SNTG1: variants seen among roughly 807,000 people sequenced by gnomAD.
SNTG1 encodes the protein syntrophin gamma 1.
In SNTG1, 39 loss-of-function variants were observed where a neutral mutation model predicts 74.7. The observed-to-expected ratio is 0.52, with a 90% confidence interval of 0.40 to 0.68. The LOEUF (loss-of-function observed/expected upper bound fraction) is 0.68. Among genes scored for constraint, SNTG1 ranks in the 30% least tolerant of loss-of-function variants. The pLI is 0.00. For missense variants in SNTG1, 685 were observed against 609.5 expected (o/e 1.12, Z -1.30); for synonymous variants, 254 against 217.1 (o/e 1.17, Z -1.49).
chr8:50,178,609 T>G (rs1417974918), intron 2 of SNTG1, among the ~76,000 whole-genome samples: 1 of 152,188 alleles, frequency 6.6e-6, no homozygotes, highest in Non-Finnish European at 1.5e-5. Flanking sequence ...ATCTGCAAAA[T>G]CAAACCTATA....
At chr8:50,687,772 C>G (rs2095359131) in intron 15 of SNTG1, among the ~76,000 whole-genome samples, 1 of 152,056 alleles carries the variant, frequency 6.6e-6, no homozygotes, top group Non-Finnish European at 1.5e-5. Flanking sequence ...CTTCCTGTGT[C>G]CATGTGTTCT....
chr8:50,324,297 A>C (rs2090647834), intron 2 of SNTG1, among the ~76,000 whole-genome samples: 1 of 152,174 alleles, frequency 6.6e-6, no homozygotes, highest in Non-Finnish European at 1.5e-5. Flanking sequence ...CTTCCTCCCC[A>C]AGATGCACAG....
intron 17 of SNTG1, among the ~76,000 whole-genome samples, chr8:50,711,622 G>A (rs2095461882): frequency 6.6e-6 from 1 of 152,134 alleles, no homozygotes; most frequent in Non-Finnish European, 1.5e-5. Context: ...TGGATATAGA[G>A]GGATGTCTGG....
chr8:50,091,739 A>G (rs1586231208), intron 1 of SNTG1, among the ~76,000 whole-genome samples: 1 of 152,172 alleles, frequency 6.6e-6, no homozygotes, highest in Admixed American at 6.6e-5. Context: ...AACCTGCCTG[A>G]TGATATCCCT....
intron 13 of SNTG1, among the ~76,000 whole-genome samples, chr8:50,644,840 A>G (rs1217443573): frequency 2.0e-5 from 3 of 151,848 alleles, no homozygotes; most frequent in Non-Finnish European, 4.4e-5. Flanking sequence ...CTTGGCAAAT[A>G]ATTTTAACAT....
intron 10 of SNTG1, among the ~76,000 whole-genome samples, chr8:50,531,469 T>G (rs1442131467): frequency 1.3e-5 from 2 of 152,098 alleles, no homozygotes; most frequent in Non-Finnish European, 1.5e-5. Flanking sequence ...CAACCAAATT[T>G]TTTACCTCTT....
At chr8:50,593,065 A>G (rs1170378028) in intron 13 of SNTG1, among the ~76,000 whole-genome samples, 2 of 151,872 alleles carry the variant, frequency 1.3e-5, no homozygotes, top group Non-Finnish European at 2.9e-5. Context: ...TCTACATTAA[A>G]TAACTCCCTC....
At chr8:50,461,169 G>A (rs1027135340) in intron 8 of SNTG1, among the ~76,000 whole-genome samples, 98 of 140,382 alleles carry the variant, frequency 7.0e-4, no homozygotes, top group African/African-American at 2.8e-3. Flanking sequence ...GTGTGTGTGT[G>A]TGTGTGTGTG....
At chr8:50,293,492 C>A (rs912420908) in intron 2 of SNTG1, among the ~76,000 whole-genome samples, 2 of 151,608 alleles carry the variant, frequency 1.3e-5, no homozygotes, top group African/African-American at 4.9e-5. Context: ...TCACTGCAAC[C>A]TCTGCCTCCT....
intron 1 of SNTG1, among the ~76,000 whole-genome samples, chr8:50,001,112 T>C (rs778043943): frequency 2.0e-5 from 3 of 152,226 alleles, no homozygotes; most frequent in Non-Finnish European, 2.9e-5. Context: ...CAGAAATGAC[T>C]GTGTGTTACA....
intron 10 of SNTG1, among the ~76,000 whole-genome samples, chr8:50,535,676 G>A (rs2094302519): frequency 6.6e-6 from 1 of 152,136 alleles, no homozygotes; most frequent in Non-Finnish European, 1.5e-5. Context: ...TAAAATGCCA[G>A]GCAACATACA....
chr8:50,017,946 A>G (rs764314240), intron 1 of SNTG1, among the ~76,000 whole-genome samples: 4 of 152,102 alleles, frequency 2.6e-5, no homozygotes, highest in Non-Finnish European at 2.9e-5. Flanking sequence ...GCACTTAATC[A>G]CAGCAGAATG....
chr8:50,643,015 T>C (rs2095083719), intron 13 of SNTG1, among the ~76,000 whole-genome samples: 1 of 152,006 alleles, frequency 6.6e-6, no homozygotes. Context: ...CCCTTATATG[T>C]GGACACTGTA....
At chr8:50,173,911 G>C (rs1452628576) in intron 2 of SNTG1, among the ~76,000 whole-genome samples, 1 of 152,152 alleles carries the variant, frequency 6.6e-6, no homozygotes, top group Non-Finnish European at 1.5e-5. Flanking sequence ...ATGGTGGTTT[G>C]TTGCACCTAT....
chr8:50,114,302 G>T (rs577766551), intron 1 of SNTG1, among the ~76,000 whole-genome samples: 1 of 152,240 alleles, frequency 6.6e-6, no homozygotes, highest in Admixed American at 6.5e-5. Context: ...AGCAGTAAAA[G>T]AATGTATCTC....
Position 50,109,024 on chromosome 8 carries a change from A to G in SNTG1, c.-102-63537A>G, listed in dbSNP as rs113855014. 7.2e-5 allele frequency among the ~76,000 whole-genome samples: 11 copies of G among 152,278 alleles called. 1 individual carries two copies. The highest frequency in any genetic ancestry group is 2.4e-4 in the African/African-American group (10 of 41,574). On this transcript the variant is annotated intron_variant, in intron 1 of 18. Coordinates refer to ENST00000642720, the MANE Select transcript of SNTG1 (RefSeq NM_018967.5). Reference sequence around the variant, plus strand: ...TGACTTAAGGAAATTCCATTATTGAATATAAAGGGACTCTACTCTGATTTC... The same window carrying G: ...TGACTTAAGGAAATTCCATTATTGAGTATAAAGGGACTCTACTCTGATTTC...
chr8:50,011,846 C>G (rs570107673), intron 1 of SNTG1: 2 of 152,180 alleles, frequency 1.3e-5, no homozygotes, highest in African/African-American at 4.8e-5. Flanking sequence ...GACAGCAGAC[C>G]TGCCTTCACA....
chr8:50,362,640 C>T (rs911181840), intron 2 of SNTG1, among the ~76,000 whole-genome samples: 21 of 151,644 alleles, frequency 1.4e-4, no homozygotes, highest in Non-Finnish European at 2.4e-4. Flanking sequence ...CACTGTAAGG[C>T]TAGAATTTAG....
chr8:50,157,717 AT>A (rs2082295756), intron 1 of SNTG1, among the ~76,000 whole-genome samples: 1 of 152,122 alleles, frequency 6.6e-6, no homozygotes, highest in South Asian at 2.1e-4. Context: ...AAATTCAAGA[AT>A]TCAGCCAAGG....
Sources: allele counts gnomAD v4.1 joint callset (sites outside exome capture counted in the v4.1 genomes callset), GRCh38; gene constraint gnomAD v4.1.1; transcripts MANE v1.5; gene names NCBI Gene and HGNC (gene_info 2026-07-23, HGNC 2026-07-21).